Variants in SKAP2 observed in about 807,000 individuals in gnomAD.
SKAP2 encodes src kinase associated phosphoprotein 2.
In SKAP2, 28 loss-of-function variants were observed where a neutral mutation model predicts 54.9. The observed-to-expected ratio is 0.51, with a 90% CI of 0.38 to 0.70. SKAP2 has a LOEUF of 0.70. Ranked by LOEUF, SKAP2 falls within the 30% of genes least tolerant of loss-of-function variation. The probability of loss-of-function intolerance (pLI) is 0.00; values close to 1 mark genes in which losing one functional copy is unlikely to be tolerated. For synonymous variants in SKAP2, 137 were observed against 134.3 expected (o/e 1.02, Z -0.14); for missense variants, 356 against 424.1 (o/e 0.84, Z 1.41).
At chr7:26,858,712 T>C (rs1317031407) in intron 1 of SKAP2, among the ~76,000 whole-genome samples, 1 of 152,150 alleles carries the variant, frequency 6.6e-6, no homozygotes, top group Non-Finnish European at 1.5e-5. Flanking sequence ...AACTGCTTTC[T>C]GCCAACTTCT....
chr7:26,842,031 G>A (rs1784827000), intron 4 of SKAP2, among the ~76,000 whole-genome samples: 1 of 151,850 alleles, frequency 6.6e-6, no homozygotes, highest in African/African-American at 2.4e-5. Context: ...AATCTAAGTT[G>A]AAGAGAGAAA....
At chr7:26,779,338 A>T (rs964393813) in intron 4 of SKAP2, among the ~76,000 whole-genome samples, 1 of 152,120 alleles carries the variant, frequency 6.6e-6, no homozygotes, top group African/African-American at 2.4e-5. Context: ...TGCCCTTATT[A>T]CCACAAATTC....
chr7:26,794,380 T>C (rs1380955256), intron 4 of SKAP2, among the ~76,000 whole-genome samples: 1 of 152,172 alleles, frequency 6.6e-6, no homozygotes, highest in Non-Finnish European at 1.5e-5. Context: ...TGTTCCAAGC[T>C]AGGGAATCTG....
At chr7:26,776,697 A>G (rs1783317772) in intron 4 of SKAP2, among the ~76,000 whole-genome samples, 1 of 152,158 alleles carries the variant, frequency 6.6e-6, no homozygotes, top group Non-Finnish European at 1.5e-5. Context: ...CAACAACAAC[A>G]GCTTGTCCCT....
At chr7:26,725,891 C>T in intron 8 of SKAP2, 32 bp downstream of exon 8, 6 of 1,539,918 alleles carry the variant, frequency 3.9e-6, no homozygotes, top group Non-Finnish European at 5.4e-6. Context: ...TATTTAAAGA[C>T]TGTGATAACT....
At chr7:26,740,727 T>C (rs1219147317) in intron 4 of SKAP2, among the ~76,000 whole-genome samples, 2 of 152,210 alleles carry the variant, frequency 1.3e-5, no homozygotes, top group African/African-American at 4.8e-5. Context: ...GGCTCACGCT[T>C]GTAATCCCAG....
In SKAP2 at chr7:26,864,412, G is replaced by A; in HGVS notation, c.18C>T (p.Ser6=). ...CAGGGAGGGGGTAGGGAGAGGAGGT[G>A]CTGCTGGGGTTGGGCATGTTAGGGA... MPNPS[S]TSSPYPLPEE... The change falls in exon 1 of 13, where the codon AGC becomes AGT. Residue 6 remains serine, a synonymous_variant. Transcript: ENST00000345317. 1 of 1,610,868 alleles carries A rather than the reference G, an allele frequency of 6.2e-7. No individual in the cohort carries two copies. Among genetic ancestry groups the A allele is most frequent in the South Asian group, 1.1e-5 (1 of 90,872 alleles).
intron 4 of SKAP2, among the ~76,000 whole-genome samples, chr7:26,761,394 G>C (rs1271461824): frequency 2.0e-5 from 3 of 152,172 alleles, no homozygotes; most frequent in Non-Finnish European, 4.4e-5. Context: ...GTAATGCATA[G>C]ATATCTCATA....
intron 4 of SKAP2, among the ~76,000 whole-genome samples, chr7:26,750,877 T>C (rs1413917717): frequency 3.3e-5 from 5 of 152,216 alleles, no homozygotes; most frequent in Admixed American, 3.3e-4. Flanking sequence ...CACTCAACTA[T>C]GCTTTATCTT....
intron 4 of SKAP2, among the ~76,000 whole-genome samples, chr7:26,799,800 A>C (rs557187510): frequency 6.6e-6 from 1 of 152,228 alleles, no homozygotes; most frequent in African/African-American, 2.4e-5. Flanking sequence ...AGAATAGACC[A>C]TATGTCAGGT....
At chr7:26,809,248 T>C (rs529597445) in intron 4 of SKAP2, among the ~76,000 whole-genome samples, 20 of 152,232 alleles carry the variant, frequency 1.3e-4, no homozygotes, top group African/African-American at 4.3e-4. Context: ...ACCTCATCTC[T>C]ACTAAACATA....
At chr7:26,662,055 A>G in the SKAP2 span, among the ~76,000 whole-genome samples, 1 of 152,054 alleles carries the variant, frequency 6.6e-6, no homozygotes, top group Non-Finnish European at 1.5e-5. Context: ...TGTTCTTACT[A>G]CTACTCACTT....
chr7:26,708,759 C>T (rs1256638503), intron 9 of SKAP2, among the ~76,000 whole-genome samples: 5 of 152,250 alleles, frequency 3.3e-5, no homozygotes, highest in East Asian at 1.9e-4. Flanking sequence ...TTTTCATAAC[C>T]ATTTCTTATC....
chr7:26,675,300 CTGTATGTAGTGCTTCCT>C (rs1338678544), intron 11 of SKAP2, among the ~76,000 whole-genome samples: 4 of 152,160 alleles, frequency 2.6e-5, no homozygotes, highest in African/African-American at 7.2e-5. Flanking sequence ...CATTCTACCT[CTGTATGTAGTGCTTCCT>C]TCCCAGAGAC....
At chr7:26,818,219 G>A (rs150459818) in intron 4 of SKAP2, among the ~76,000 whole-genome samples, 381 of 152,276 alleles carry the variant, frequency 2.5e-3, no homozygotes, top group Non-Finnish European at 3.4e-3. Context: ...GAAACAGCAT[G>A]GCACTGGTAC....
chr7:26,778,556 T>C (rs1272482495), intron 4 of SKAP2, among the ~76,000 whole-genome samples: 1 of 152,038 alleles, frequency 6.6e-6, no homozygotes, highest in Admixed American at 6.6e-5. Context: ...TATTAATCTG[T>C]TTATGTCTGT....
downstream of SKAP2, among the ~76,000 whole-genome samples, chr7:26,663,811 T>G (rs1400021612): frequency 6.6e-6 from 1 of 152,114 alleles, no homozygotes; most frequent in African/African-American, 2.4e-5. Context: ...TGGCTTGGTG[T>G]CCTCTCTGGA....
At chr7:26,830,655 C>T (rs1784577761) in intron 4 of SKAP2, among the ~76,000 whole-genome samples, 1 of 152,130 alleles carries the variant, frequency 6.6e-6, no homozygotes, top group South Asian at 2.1e-4. Flanking sequence ...ATTCTTATAA[C>T]TTCCTTGCAG....
chr7:26,799,075 C>T (rs1783848055), intron 4 of SKAP2, among the ~76,000 whole-genome samples: 1 of 149,384 alleles, frequency 6.7e-6, no homozygotes, highest in South Asian at 2.1e-4. Context: ...AGGGACAGGG[C>T]AAGGCAAGGC....
Sources: allele counts gnomAD v4.1 joint callset (sites outside exome capture counted in the v4.1 genomes callset), GRCh38; gene constraint gnomAD v4.1.1; transcripts MANE v1.5; gene names NCBI Gene and HGNC (gene_info 2026-07-23, HGNC 2026-07-21).